The following NBEA variants were observed in gnomAD, a reference collection of about 807,000 sequenced individuals.
NBEA encodes the protein lysosomal-trafficking regulator 2.
NBEA carries 44 observed loss-of-function variants against 343.4 expected under a neutral mutation model. That is an observed-to-expected ratio of 0.13 (90% CI 0.10 to 0.16). The LOEUF is 0.16. NBEA is among the 10% of genes least tolerant of loss of function. The pLI, the probability that NBEA is intolerant of heterozygous loss-of-function variation, is 1.00. For synonymous variants in NBEA, 1,175 were observed against 1,238.7 expected (o/e 0.95, Z 1.08); for missense variants, 2,555 against 3,631.3 (o/e 0.70, Z 7.62).
intron 46 of NBEA, among the ~76,000 whole-genome samples, chr13:35,588,223 C>G (rs914980352): frequency 6.6e-6 from 1 of 151,952 alleles, no homozygotes; most frequent in Non-Finnish European, 1.5e-5. Flanking sequence ...TATAAAACTG[C>G]TTTTTTGGAG....
chr13:35,124,757 T>G (rs117547807), intron 17 of NBEA, among the ~76,000 whole-genome samples: 1 of 151,382 alleles, frequency 6.6e-6, no homozygotes, highest in African/African-American at 2.4e-5. Context: ...CACATATGTA[T>G]GGATATATAT....
intron 4 of NBEA, among the ~76,000 whole-genome samples, chr13:35,046,736 C>T (rs1364758753): frequency 6.6e-6 from 1 of 152,036 alleles, no homozygotes; most frequent in Non-Finnish European, 1.5e-5. Context: ...TTCTTTGTCT[C>T]TCTCTCAAAA....
At chr13:35,567,768 G>A (rs2080203637) in intron 45 of NBEA, among the ~76,000 whole-genome samples, 1 of 152,186 alleles carries the variant, frequency 6.6e-6, no homozygotes, top group Non-Finnish European at 1.5e-5. Flanking sequence ...AAGTTGAAAG[G>A]TATTTGTGTA....
chr13:35,473,770 T>C (rs2075750861), intron 41 of NBEA, among the ~76,000 whole-genome samples: 1 of 152,308 alleles, frequency 6.6e-6, no homozygotes, highest in African/African-American at 2.4e-5. Context: ...TTACATAAAA[T>C]AAGGTTTGAC....
At chr13:35,476,415 C>G (rs1292059007) in intron 41 of NBEA, 1 of 966,284 alleles carries the variant, frequency 1.0e-6, no homozygotes, top group Admixed American at 2.0e-5. Context: ...GTCCTCCCCC[C>G]TCTGCTTGTC....
At chr13:35,382,163 C>T (rs2042046783) in intron 38 of NBEA, among the ~76,000 whole-genome samples, 1 of 152,094 alleles carries the variant, frequency 6.6e-6, no homozygotes, top group Admixed American at 6.5e-5. Flanking sequence ...TCATTTAGTA[C>T]TGAAAACCTG....
chr13:35,374,072 C>T (rs1449960943), intron 38 of NBEA, among the ~76,000 whole-genome samples: 4 of 152,190 alleles, frequency 2.6e-5, no homozygotes, highest in Non-Finnish European at 5.9e-5. Flanking sequence ...GGTATGGAAG[C>T]AGCCTTTGAC....
At chr13:34,970,397 T>G (rs2059961416) in intron 1 of NBEA, among the ~76,000 whole-genome samples, 1 of 152,162 alleles carries the variant, frequency 6.6e-6, no homozygotes, top group Non-Finnish European at 1.5e-5. Flanking sequence ...AGCTCTTATT[T>G]GTCAATTTTT....
At chr13:35,287,971 A>G (rs184360982) in intron 34 of NBEA, among the ~76,000 whole-genome samples, 6 of 152,156 alleles carry the variant, frequency 3.9e-5, no homozygotes, top group South Asian at 2.1e-4. Context: ...ATTTTATGTA[A>G]TCTTAATTTG....
intron 41 of NBEA, among the ~76,000 whole-genome samples, chr13:35,488,398 C>T (rs1243106118): frequency 1.3e-5 from 2 of 151,670 alleles, no homozygotes; most frequent in African/African-American, 2.4e-5. Flanking sequence ...ATAGCTTTAT[C>T]GAAATGTGTA....
intron 48 of NBEA, among the ~76,000 whole-genome samples, chr13:35,609,759 C>T (rs1255574542): frequency 6.6e-6 from 1 of 152,134 alleles, no homozygotes; most frequent in Non-Finnish European, 1.5e-5. Context: ...TCAGTGAGAA[C>T]AGGAGTAACT....
At chr13:35,333,970 A>G (rs567092872) in intron 36 of NBEA, among the ~76,000 whole-genome samples, 71 of 152,220 alleles carry the variant, frequency 4.7e-4, no homozygotes, top group African/African-American at 1.7e-3. Context: ...GATGCTTCCA[A>G]ATCTTGGCTA....
In NBEA at chr13:34,992,839, A is replaced by ATTT. The variant is rs11434153; in HGVS notation, c.295-48080_295-48078dup. On this transcript the variant is annotated intron_variant, in intron 1 of 58. Coordinates refer to ENST00000379939, the MANE Select transcript of NBEA (RefSeq NM_001385012.1). ...AGGCCCCCGCCACCACACCCGGCTA[A>ATTT]TTTTTTTTTTTTTTTTGTATTTTTT... is the stretch of plus-strand genomic sequence containing the variant. Among the ~76,000 whole-genome samples, 777 of 136,384 alleles carry ATTT rather than the reference A, an allele frequency of 5.7e-3. 25 individuals carry two copies. In the East Asian group the frequency reaches 0.088, roughly 15 times the overall value. The allele number at this position is 136,384 out of a possible 152,430, so 89.5% of individuals were successfully genotyped here.
At chr13:35,093,345 A>G (rs1177105067) in intron 10 of NBEA, among the ~76,000 whole-genome samples, 2 of 151,358 alleles carry the variant, frequency 1.3e-5, no homozygotes, top group African/African-American at 4.8e-5. Context: ...ATTTCACTGC[A>G]TGGTCATTTA....
chr13:35,627,370 C>A (rs774534011), intron 48 of NBEA, among the ~76,000 whole-genome samples: 5 of 152,140 alleles, frequency 3.3e-5, no homozygotes, highest in Non-Finnish European at 7.4e-5. Flanking sequence ...CGGACCTGAG[C>A]AAGACTCCCT....
At chr13:35,482,823 A>T (rs2152967774) in intron 41 of NBEA, among the ~76,000 whole-genome samples, 1 of 151,976 alleles carries the variant, frequency 6.6e-6, no homozygotes, top group Admixed American at 6.5e-5. Flanking sequence ...AATATATACC[A>T]TCATAGAAGC....
chr13:35,063,329 G>T (rs772580532), intron 8 of NBEA, among the ~76,000 whole-genome samples: 1 of 151,856 alleles, frequency 6.6e-6, no homozygotes, highest in Non-Finnish European at 1.5e-5. Context: ...CAAAACAAAA[G>T]AAAAATATAT....
intron 31 of NBEA, among the ~76,000 whole-genome samples, chr13:35,202,611 C>T (rs760532247): frequency 1.3e-5 from 2 of 152,138 alleles, no homozygotes; most frequent in Admixed American, 6.6e-5. Context: ...AATACCCTAT[C>T]CTTATACCAC....
chr13:35,262,918 T>C (rs1299306570), intron 34 of NBEA, among the ~76,000 whole-genome samples: 5 of 152,208 alleles, frequency 3.3e-5, no homozygotes, highest in African/African-American at 1.2e-4. Flanking sequence ...TATAGATTAA[T>C]TGCAATTTCT....
Sources: gnomAD v4.1 joint callset for allele counts (sites outside exome capture counted in the v4.1 genomes callset) on GRCh38, gnomAD v4.1.1 for gene constraint, MANE v1.5 for transcripts, NCBI Gene and HGNC (gene_info 2026-07-23, HGNC 2026-07-21) for gene names.